The following ZNF283 variants were observed in gnomAD, a reference collection of about 807,000 sequenced individuals.
The protein encoded by ZNF283 is zinc finger protein 41.
In ZNF283, 10 loss-of-function variants were observed where a neutral mutation model predicts 9.2. That is an observed-to-expected ratio of 1.09 (90% CI 0.67 to 1.85). The LOEUF is 1.85. Among genes scored for constraint, ZNF283 ranks in the 40% most tolerant of loss-of-function variants. The pLI, the probability that ZNF283 is intolerant of heterozygous loss-of-function variation, is 0.00. For synonymous variants in ZNF283, 234 were observed against 244.1 expected, an observed-to-expected ratio of 0.96 and a Z score of 0.38; for missense variants, 631 against 760.1, an observed-to-expected ratio of 0.83 and a Z score of 2.00.
At chr19:43,828,355 T>G (rs1970561310) in intron 2 of ZNF283, 74 bp downstream of exon 2, 1 of 152,218 alleles carries the variant, frequency 6.6e-6, no homozygotes, top group African/African-American at 2.4e-5. Flanking sequence ...TGAGAACATT[T>G]TCTTTCCTTG....
intron 3 of ZNF283, 95 bp downstream of exon 3, chr19:43,831,476 GT>G: frequency 1.0e-6 from 1 of 1,002,116 alleles, no homozygotes; most frequent in Non-Finnish European, 1.5e-6. Flanking sequence ...CTGTCACTCA[GT>G]TTTTTACATT....
intron 5 of ZNF283, among the ~76,000 whole-genome samples, chr19:43,836,210 A>G (rs1283409887): frequency 6.6e-6 from 1 of 152,248 alleles, no homozygotes; most frequent in Non-Finnish European, 1.5e-5. Flanking sequence ...TTTATTCATC[A>G]TAAGAAAAAA....
At chr19:43,830,710 C>G (rs1970666930) in intron 2 of ZNF283, among the ~76,000 whole-genome samples, 1 of 151,844 alleles carries the variant, frequency 6.6e-6, no homozygotes, top group Non-Finnish European at 1.5e-5. Flanking sequence ...CGAGACCAAC[C>G]TGACCAATAT....
intron 5 of ZNF283, among the ~76,000 whole-genome samples, chr19:43,836,121 G>T (rs1400627575): frequency 6.6e-6 from 1 of 152,096 alleles, no homozygotes; most frequent in Non-Finnish European, 1.5e-5. Flanking sequence ...ATTTTGTTCA[G>T]CCTAAATGTA....
Position 43,847,628 on chromosome 19 carries a change from G to C in ZNF283, c.1027G>C (p.Gly343Arg). 1 of 1,613,448 alleles carries C rather than the reference G, an allele frequency of 6.2e-7. No homozygotes were observed. The highest frequency in any genetic ancestry group is 8.5e-7 in the Non-Finnish European group (1 of 1,179,790). ...TGCTAAACATGAGATAATTCATACAGGTGAGAAACCTTATAAATGTAAAGA... is the reference window on the plus strand; with the variant it reads ...TGCTAAACATGAGATAATTCATACACGTGAGAAACCTTATAAATGTAAAGA... ...SLAKHEIIHT[G>R]EKPYKCKECG... The change falls in exon 7 of 7, where the codon GGT becomes CGT. Residue 343 changes from glycine (G) to arginine (R), a missense_variant. Gly to Arg is a moderately radical substitution (Grantham distance 125, BLOSUM62 -2). This residue lies in a region of ZNF283 where 444 missense variants were observed against 522.5 expected (regional missense o/e 0.85). Transcript: ENST00000618787.
At chr19:43,836,809 A>G (rs1971000040) in intron 5 of ZNF283, among the ~76,000 whole-genome samples, 2 of 152,244 alleles carry the variant, frequency 1.3e-5, no homozygotes, top group South Asian at 4.1e-4. Context: ...ACAGATCTGG[A>G]TAGCTGAGTT....
intron 2 of ZNF283, among the ~76,000 whole-genome samples, chr19:43,830,777 C>A (rs755916268): frequency 2.0e-5 from 3 of 151,686 alleles, no homozygotes; most frequent in Admixed American, 6.6e-5. Context: ...GTGGCGTGCA[C>A]CTGTAGACCC....
chr19:43,837,812 C>T (rs1971044931), intron 6 of ZNF283: 1 of 152,164 alleles, frequency 6.6e-6, no homozygotes, highest in Non-Finnish European at 1.5e-5. Context: ...AGGAACAGAT[C>T]AGTCACAGTG....
intron 6 of ZNF283, among the ~76,000 whole-genome samples, chr19:43,838,709 G>GT (rs945542311): frequency 4.0e-5 from 6 of 151,744 alleles, no homozygotes; most frequent in East Asian, 1.9e-4. Flanking sequence ...GCTATATTCT[G>GT]TTTTTTTTCT....
intron 3 of ZNF283, among the ~76,000 whole-genome samples, chr19:43,831,991 T>G (rs980510559): frequency 2.0e-5 from 3 of 152,086 alleles, no homozygotes; most frequent in Non-Finnish European, 2.9e-5. Context: ...TTTTTTTTCT[T>G]TTTTTCTGCA....
In ZNF283 at chr19:43,851,871, G is replaced by A. The variant is rs1235992373; in HGVS notation, c.*3230G>A. The A allele has an allele frequency of 6.6e-6, 1 of 152,174 alleles. No homozygotes were observed. Among genetic ancestry groups the A allele is most frequent in the African/African-American group, 2.4e-5 (1 of 41,436 alleles). 9.4% of individuals were successfully genotyped at this position (152,174 alleles called of 1,614,324 possible). A position where few individuals can be genotyped will look rare whatever the true frequency, so the allele number is the denominator to read the frequency against. On this transcript the variant is annotated 3_prime_UTR_variant, in exon 7 of 7. Coordinates refer to ENST00000618787, the MANE Select transcript of ZNF283 (RefSeq NM_181845.2). ...GGGTGAAATTGCATTGGGAACTGCT[G>A]CTATAACCAAAAGAGAATTTCAGTC...
intron 5 of ZNF283, among the ~76,000 whole-genome samples, chr19:43,836,747 G>A (rs1223749949): frequency 2.0e-5 from 3 of 152,156 alleles, no homozygotes; most frequent in Non-Finnish European, 4.4e-5. Context: ...GTATACGCAG[G>A]CACTTTTTAT....
At chr19:43,844,024 T>C (rs1971315211) in intron 6 of ZNF283, among the ~76,000 whole-genome samples, 1 of 152,204 alleles carries the variant, frequency 6.6e-6, no homozygotes, top group South Asian at 2.1e-4. Context: ...GAAGCAGATA[T>C]GAGAATCCAG....
intron 6 of ZNF283, among the ~76,000 whole-genome samples, chr19:43,843,688 C>G (rs1412892532): frequency 1.3e-5 from 2 of 152,126 alleles, no homozygotes; most frequent in Admixed American, 1.3e-4. Context: ...CTCTTTGAAT[C>G]AGTATTTTCC....
Position 43,827,328 on chromosome 19 carries a change from C to CCT in ZNF283, c.-257_-256dup. On this transcript the variant is annotated 5_prime_UTR_variant, in exon 1 of 7. Coordinates refer to ENST00000618787, the MANE Select transcript of ZNF283 (RefSeq NM_181845.2). ...GGGGCGAGCTTGCCTGCCAGAAGCT[C>CCT]CTCTCCCAGCCTGCGAGCATTTCCA... The CCT allele has an allele frequency of 6.6e-6, 1 of 152,576 alleles. No homozygotes were observed. The highest frequency in any genetic ancestry group is 6.5e-5 in the Admixed American group (1 of 15,300). The allele number at this position is 152,576 out of a possible 1,614,324, so 9.5% of individuals were successfully genotyped here.
In ZNF283 at chr19:43,847,706, C is replaced by T; in HGVS notation, c.1105C>T (p.His369Tyr). ...GYQLTQHQKI[H>Y]TGKKPYECKI... ...TCAGCTTACTCAGCATCAGAAAATC[C>T]ATACTGGTAAGAAACCTTATGAATG... Residue 369 changes from histidine (H) to tyrosine (Y), a missense_variant, in exon 7 of 7, where the codon CAT becomes TAT. Transcript: ENST00000618787. 6.2e-7 allele frequency: 1 copy of T among 1,613,372 alleles called. No individual in the cohort carries two copies. The highest frequency in any genetic ancestry group is 8.5e-7 in the Non-Finnish European group (1 of 1,179,592).
At chr19:43,840,059 G>A (rs1020297605) in intron 6 of ZNF283, among the ~76,000 whole-genome samples, 7 of 152,006 alleles carry the variant, frequency 4.6e-5, no homozygotes. Context: ...CATTCCTCAG[G>A]CATAGCTGAT....
At chr19:43,830,105 T>C (rs1970639719) in intron 2 of ZNF283, among the ~76,000 whole-genome samples, 1 of 152,198 alleles carries the variant, frequency 6.6e-6, no homozygotes, top group South Asian at 2.1e-4. Flanking sequence ...AACAGGTTCT[T>C]GGCCTTTTGC....
At chr19:43,833,404 A>AT in intron 3 of ZNF283, 101 bp from the exon 4 acceptor site, 2 of 182,200 alleles carry the variant, frequency 1.1e-5, no homozygotes, top group Non-Finnish European at 1.2e-5. Flanking sequence ...GTAGTTTCTC[A>AT]TTTTTGGTTA....
Sources: allele counts gnomAD v4.1 joint callset (sites outside exome capture counted in the v4.1 genomes callset), GRCh38; gene constraint gnomAD v4.1.1; regional missense constraint gnomAD v4.1.1; transcripts MANE v1.5; gene names NCBI Gene and HGNC (gene_info 2026-07-23, HGNC 2026-07-21).